The following TPRG1 variants were observed in gnomAD, a reference collection of about 807,000 sequenced individuals.
TPRG1 encodes the protein tumor protein p63-regulated gene 1 protein.
TPRG1 carries 29 observed loss-of-function variants against 29.3 expected under a neutral mutation model. The observed-to-expected ratio is 0.99, with a 90% CI of 0.74 to 1.35. The LOEUF (loss-of-function observed/expected upper bound fraction) is 1.35, where lower values mean the gene tolerates loss of function less well. Ranked by LOEUF, TPRG1 falls within the 40% of genes most tolerant of loss-of-function variation. The pLI is 0.00. For synonymous variants in TPRG1, 130 were observed against 116.8 expected, an observed-to-expected ratio of 1.11 and a Z score of -0.73; for missense variants, 327 against 335.0, an observed-to-expected ratio of 0.98 and a Z score of 0.19.
At chr3:189,036,782 A>G (rs1455105296) in intron 4 of TPRG1, among the ~76,000 whole-genome samples, 5 of 151,970 alleles carry the variant, frequency 3.3e-5, no homozygotes, top group Middle Eastern at 3.2e-3. Context: ...GATGTAATGT[A>G]CAGATGGATA....
chr3:189,280,145 T>G (rs1716862646), intron 4 of TPRG1, among the ~76,000 whole-genome samples: 2 of 152,242 alleles, frequency 1.3e-5, no homozygotes, highest in South Asian at 4.2e-4. Flanking sequence ...GCACCTGTTG[T>G]TTAGCCCTGT....
chr3:189,017,133 C>A (rs915334388), intron 3 of TPRG1, among the ~76,000 whole-genome samples: 2 of 151,554 alleles, frequency 1.3e-5, no homozygotes, highest in Middle Eastern at 3.4e-3. Flanking sequence ...TTTGTTCATG[C>A]CTTTTCATTT....
At position 189,116,343 on chromosome 3, in the gene TPRG1, A is replaced by AT. The variant is rs371382881; in HGVS notation, c.-743-10707dup. On this transcript the variant is annotated intron_variant, in intron 1 of 6. Coordinates refer to the TPRG1 transcript ENST00000412373. The stretch of plus-strand genomic sequence containing the variant: ...AGGCGTCCACCACCATGCCCGGCTA[A>AT]TTTTTTTGTATTTTTAGTAGAGTTG... 6.6e-3 allele frequency among the ~76,000 whole-genome samples: 1,003 copies of AT among 151,946 alleles called. 3 individuals carry two copies. The highest frequency in any genetic ancestry group is 0.02 in the Middle Eastern group (6 of 294).
chr3:189,228,627 T>A (rs1388312897), intron 3 of TPRG1, among the ~76,000 whole-genome samples: 3 of 151,936 alleles, frequency 2.0e-5, no homozygotes, highest in African/African-American at 7.3e-5. Flanking sequence ...AAAAGAAAAA[T>A]TTGCATAAAA....
intron 3 of TPRG1, among the ~76,000 whole-genome samples, chr3:189,016,641 T>A (rs1487400514): frequency 2.0e-5 from 3 of 151,970 alleles, no homozygotes; most frequent in Non-Finnish European, 4.4e-5. Context: ...AGGTGGGAGG[T>A]AATTGAATTA....
chr3:189,111,616 T>C (rs543563757), intron 1 of TPRG1, among the ~76,000 whole-genome samples: 2 of 152,168 alleles, frequency 1.3e-5, no homozygotes, highest in African/African-American at 4.8e-5. Flanking sequence ...AATTTTCAAC[T>C]TATGATATTT....
At chr3:189,090,236 C>G (rs963031163) in intron 4 of TPRG1, among the ~76,000 whole-genome samples, 6 of 152,002 alleles carry the variant, frequency 3.9e-5, no homozygotes, top group Admixed American at 6.6e-5. Context: ...TGGATTTTGA[C>G]CACAATTATT....
intron 4 of TPRG1, among the ~76,000 whole-genome samples, chr3:189,056,759 T>A (rs1176918797): frequency 6.6e-6 from 1 of 152,158 alleles, no homozygotes. Context: ...GATGAACAGA[T>A]TGAATCCATG....
At chr3:189,314,009 G>A (rs142972566) in intron 5 of TPRG1, among the ~76,000 whole-genome samples, 103 of 152,312 alleles carry the variant, frequency 6.8e-4, no homozygotes, top group African/African-American at 2.4e-3. Flanking sequence ...AGGGAAAGAA[G>A]ATGAGGAGAT....
intron 2 of TPRG1, among the ~76,000 whole-genome samples, chr3:189,129,213 A>G (rs1204425798): frequency 2.0e-5 from 3 of 152,130 alleles, no homozygotes; most frequent in Non-Finnish European, 2.9e-5. Flanking sequence ...CATCTGTGAC[A>G]GTTTCTCACA....
intron 1 of TPRG1, among the ~76,000 whole-genome samples, chr3:189,172,925 T>C (rs987910149): frequency 6.6e-6 from 1 of 152,192 alleles, no homozygotes; most frequent in African/African-American, 2.4e-5. Flanking sequence ...GGAAATATTT[T>C]AGCTTTTCAG....
At chr3:189,061,860 T>C (rs1716131505) in intron 4 of TPRG1, among the ~76,000 whole-genome samples, 1 of 151,848 alleles carries the variant, frequency 6.6e-6, no homozygotes. Flanking sequence ...AGTTCAATCA[T>C]TATGGAAAGC....
chr3:189,285,635 T>G (rs532421887), intron 4 of TPRG1, among the ~76,000 whole-genome samples: 7 of 152,348 alleles, frequency 4.6e-5, no homozygotes, highest in African/African-American at 1.4e-4. Flanking sequence ...AGAGCCTTTT[T>G]CACATCAATA....
At chr3:189,203,417 C>T (rs985521148) in intron 1 of TPRG1, among the ~76,000 whole-genome samples, 2 of 152,008 alleles carry the variant, frequency 1.3e-5, no homozygotes, top group Non-Finnish European at 2.9e-5. Context: ...CAATCCACTA[C>T]TTCAATAAAT....
intron 3 of TPRG1, among the ~76,000 whole-genome samples, chr3:189,234,587 A>G (rs1739159402): frequency 6.6e-6 from 1 of 152,168 alleles, no homozygotes; most frequent in Non-Finnish European, 1.5e-5. Context: ...TACTATTGCA[A>G]TATATAAACC....
intron 2 of TPRG1, among the ~76,000 whole-genome samples, chr3:189,213,947 T>C (rs891762107): frequency 6.6e-6 from 1 of 152,160 alleles, no homozygotes; most frequent in Middle Eastern, 3.2e-3. Flanking sequence ...GTTTGCGGTT[T>C]TTTTCCAGAA....
chr3:189,185,464 G>A (rs1303548011), intron 1 of TPRG1, among the ~76,000 whole-genome samples: 1 of 152,078 alleles, frequency 6.6e-6, no homozygotes, highest in African/African-American at 2.4e-5. Flanking sequence ...GGGCTCAAGC[G>A]ATCCCCCAAT....
intron 4 of TPRG1, among the ~76,000 whole-genome samples, chr3:189,277,116 A>G (rs755417948): frequency 8.5e-5 from 13 of 152,316 alleles, no homozygotes; most frequent in Admixed American, 3.3e-4. Context: ...AGGAAGTAAC[A>G]TGGAACAGGA....
intron 4 of TPRG1, among the ~76,000 whole-genome samples, chr3:189,249,752 T>C (rs1440620489): frequency 6.6e-6 from 1 of 152,032 alleles, no homozygotes; most frequent in African/African-American, 2.4e-5. Flanking sequence ...TTGAGTATTA[T>C]CCATTGACTC....
Sources: allele counts gnomAD v4.1 joint callset (sites outside exome capture counted in the v4.1 genomes callset), GRCh38; gene constraint gnomAD v4.1.1; transcripts MANE v1.5; gene names NCBI Gene and HGNC (gene_info 2026-07-23, HGNC 2026-07-21).